Variants in SRP19 observed in about 807,000 individuals in gnomAD.
SRP19 encodes the protein signal recognition particle 19, also known as signal recognition particle 19 kDa protein.
SRP19 carries 11 observed loss-of-function variants against 22.4 expected under a neutral mutation model. That is an observed-to-expected ratio of 0.49 (90% CI 0.31 to 0.81). The LOEUF is 0.81. SRP19 is among the 40% of genes least tolerant of loss of function. The pLI is 0.05. For missense variants in SRP19, 168 were observed against 175.9 expected (o/e 0.96, Z 0.25); for synonymous variants, 61 against 57.6 (o/e 1.06, Z -0.27).
intron 4 of SRP19, among the ~76,000 whole-genome samples, chr5:112,888,294 G>C (rs960927093): frequency 3.9e-5 from 6 of 152,224 alleles, no homozygotes; most frequent in African/African-American, 1.2e-4. Flanking sequence ...TAACACTAAT[G>C]ACAAGAGTTT....
chr5:112,872,852 A>G (rs1279130092), downstream of SRP19, among the ~76,000 whole-genome samples: 1 of 152,198 alleles, frequency 6.6e-6, no homozygotes, highest in Non-Finnish European at 1.5e-5. Flanking sequence ...GAAAAGTGCA[A>G]GAGAGGTAAA....
downstream of SRP19, chr5:112,893,117 AG>A (rs1463648090): frequency 1.3e-5 from 11 of 829,186 alleles, no homozygotes; most frequent in Non-Finnish European, 1.9e-5. Flanking sequence ...AAAAAAAAAA[AG>A]AATGGACCAG....
rs1181852508 is a variant in SRP19 at position 112,869,694 on chromosome 5, C to T, written c.*2157C>T. 6.6e-6 allele frequency: 1 copy of T among 152,098 alleles called. No individual in the cohort carries two copies. Among genetic ancestry groups the T allele is most frequent in the African/African-American group, 2.4e-5 (1 of 41,400 alleles). The allele number at this position is 152,098 out of a possible 1,614,324, so 9.4% of individuals were successfully genotyped here. The stretch of plus-strand genomic sequence containing the variant: ...TAATTGGATCATGGGGGCAATTTCC[C>T]CTGTGCTGTTCTTGAGATAATGAGT... On this transcript the variant is annotated 3_prime_UTR_variant, in exon 5 of 5. Transcript: ENST00000505459.
At chr5:112,878,717 G>A in intron 4 of SRP19, 1 of 1,583,066 alleles carries the variant, frequency 6.3e-7, no homozygotes, top group East Asian at 2.2e-5. Flanking sequence ...TTATACCACA[G>A]TCCCTAATAT....
chr5:112,895,314 TTTCTC>T (rs1249998022), downstream of SRP19: 1 of 151,190 alleles, frequency 6.6e-6, no homozygotes, highest in African/African-American at 2.4e-5. Context: ...AAGAGACAGT[TTTCTC>T]TTCTGCAGAG....
chr5:112,863,351 T>C (rs911993104), intron 2 of SRP19, among the ~76,000 whole-genome samples: 24 of 152,322 alleles, frequency 1.6e-4, no homozygotes, highest in African/African-American at 4.8e-4. Context: ...TTTTCATTGC[T>C]CTATAACAGG....
rs546810424 is a variant in SRP19 at position 112,862,304 on chromosome 5, C to CGGCCAGTCTGATTAGTT, written c.42-202_42-186dup. The CGGCCAGTCTGATTAGTT allele has an allele frequency of 2.6e-3, 1,595 of 614,062 alleles. 16 individuals are homozygous for CGGCCAGTCTGATTAGTT. The highest frequency in any genetic ancestry group is 0.014 in the South Asian group (741 of 54,586). 38.0% of individuals were successfully genotyped at this position (614,062 alleles called of 1,614,324 possible). A position where few individuals can be genotyped will look rare whatever the true frequency, so the allele number is the denominator to read the frequency against. On this transcript the variant is annotated intron_variant, in intron 1 of 4. Transcript: ENST00000505459. ...TCAATCAGAAAGAGGAGTAGGCCCG[C>CGGCCAGTCTGATTAGTT]GGCCAGTCTGATTAGTTGCTCGAGG...
intron 4 of SRP19, among the ~76,000 whole-genome samples, chr5:112,866,409 C>T (rs1561639468): frequency 6.6e-6 from 1 of 152,168 alleles, no homozygotes; most frequent in Non-Finnish European, 1.5e-5. Context: ...AGCCACTGCG[C>T]CCAGCCAACA....
intron 4 of SRP19, among the ~76,000 whole-genome samples, chr5:112,866,183 C>G (rs1206170226): frequency 1.3e-5 from 2 of 149,194 alleles, no homozygotes; most frequent in African/African-American, 2.5e-5. Context: ...ATGGCGTGAT[C>G]TTGGCTCACC....
At chr5:112,872,058 G>A (rs1767772508), downstream of SRP19, among the ~76,000 whole-genome samples, 3 of 152,142 alleles carry the variant, frequency 2.0e-5, no homozygotes, top group Non-Finnish European at 4.4e-5. Flanking sequence ...TCCATTTGTA[G>A]AAGAAGAGGA....
At position 112,891,382 on chromosome 5, in the gene SRP19, T is replaced by G. The variant is rs145871305; in HGVS notation, c.302-221T>G. ...GCCACCGCACCTGGCCATAAGTAAA[T>G]ATTTTAGAACTCTCCTTTTAGTACA... On this transcript the variant is annotated intron_variant, in intron 4 of 4. Coordinates refer to the SRP19 transcript ENST00000391338. Among the ~76,000 whole-genome samples, 620 of 152,214 alleles carry G rather than the reference T, an allele frequency of 4.1e-3. 2 individuals carry two copies. The highest frequency in any genetic ancestry group is 0.014 in the African/African-American group (597 of 41,524).
downstream of SRP19, among the ~76,000 whole-genome samples, chr5:112,872,322 CTT>C (rs759571945): frequency 0.052 from 4,829 of 92,450 alleles, 70 homozygotes; most frequent in Middle Eastern, 0.091. Flanking sequence ...CCAAATGATT[CTT>C]TTTTTTTTTT....
In SRP19 at chr5:112,869,389, C is replaced by G. The variant is rs1338225921; in HGVS notation, c.*1852C>G. 6.6e-6 allele frequency: 1 copy of G among 152,194 alleles called. No homozygotes were observed. The highest frequency in any genetic ancestry group is 6.5e-5 in the Admixed American group (1 of 15,280). 9.4% of individuals were successfully genotyped at this position (152,194 alleles called of 1,614,324 possible). A position where few individuals can be genotyped will look rare whatever the true frequency, so the allele number is the denominator to read the frequency against. ...AGGCATGAGATTTCTCAAAATTCCTCCCAGCAGGCTTTCACTTAGTTTCAT... is the reference window on the plus strand; with the variant it reads ...AGGCATGAGATTTCTCAAAATTCCTGCCAGCAGGCTTTCACTTAGTTTCAT... On this transcript the variant is annotated 3_prime_UTR_variant, in exon 5 of 5. Coordinates refer to ENST00000505459, the MANE Select transcript of SRP19 (RefSeq NM_003135.3).
At chr5:112,892,196 G>A in exon 5 of SRP19, 1 of 1,614,206 alleles carries the variant, frequency 6.2e-7, no homozygotes, top group South Asian at 1.1e-5. Context: ...ACAGGAGCTT[G>A]CAGATTTGGA....
chr5:112,877,678 T>C (rs1767939739), intron 4 of SRP19: 1 of 152,176 alleles, frequency 6.6e-6, no homozygotes, highest in Non-Finnish European at 1.5e-5. Context: ...TGGGTTACTT[T>C]ATACTTCCTT....
rs1767678750 is a variant in SRP19, at chr5:112,868,426, G to A, written c.*889G>A. On this transcript the variant is annotated 3_prime_UTR_variant, in exon 5 of 5. Transcript: ENST00000505459. ...TTTGTTTGTTTGTTTTTGAGATGGA[G>A]TTTCACTCTTGTTGCCTAGGCTGGA... 1.0e-6 allele frequency: 1 copy of A among 988,138 alleles called. No homozygotes were observed. 61.2% of individuals were successfully genotyped at this position (988,138 alleles called of 1,614,324 possible).
chr5:112,886,752 A>T (rs1199909456), intron 4 of SRP19, among the ~76,000 whole-genome samples: 1 of 152,234 alleles, frequency 6.6e-6, no homozygotes, highest in Non-Finnish European at 1.5e-5. Flanking sequence ...GATTCTCTAA[A>T]ATCGCTGCCT....
chr5:112,863,127 A>G (rs900780397), intron 2 of SRP19, among the ~76,000 whole-genome samples: 4 of 152,346 alleles, frequency 2.6e-5, no homozygotes, highest in Non-Finnish European at 5.9e-5. Flanking sequence ...ACAAGCATCC[A>G]GGAAGATTGC....
chr5:112,867,624 T>C lies in SRP19; in HGVS notation c.*87T>C, dbSNP rs1373993980. On this transcript the variant is annotated 3_prime_UTR_variant, in exon 5 of 5. Transcript: ENST00000505459. The stretch of plus-strand genomic sequence containing the variant: ...TGTATCGGAGGGAAACAGAAGCTTT[T>C]TGTTTGCATCATTTAACTGAACTGT... 6.4e-6 allele frequency: 9 copies of C among 1,411,692 alleles called. No homozygotes were observed. The East Asian group carries it at 1.3e-4, about 20-fold the overall frequency. The allele number at this position is 1,411,692 out of a possible 1,614,324, so 87.4% of individuals were successfully genotyped here. A position where few individuals can be genotyped will look rare whatever the true frequency, so the allele number is the denominator to read the frequency against.
Sources: allele counts gnomAD v4.1 joint callset (sites outside exome capture counted in the v4.1 genomes callset), GRCh38; gene constraint gnomAD v4.1.1; transcripts MANE v1.5; gene names NCBI Gene and HGNC (gene_info 2026-07-23, HGNC 2026-07-21).